Variants in BCKDHB observed in about 807,000 individuals in gnomAD.
BCKDHB encodes 2-oxoisovalerate dehydrogenase subunit beta, mitochondrial.
In BCKDHB, 41 loss-of-function variants were observed where a neutral mutation model predicts 48.5. The ratio of observed to expected loss-of-function variants is 0.85; its 90% CI spans 0.66 to 1.10. The LOEUF (loss-of-function observed/expected upper bound fraction) is 1.10, where lower values mean the gene tolerates loss of function less well. BCKDHB is among the 50% of genes least tolerant of loss of function. BCKDHB has a pLI of 0.00. For missense variants in BCKDHB, 496 were observed against 494.2 expected, an observed-to-expected ratio of 1.00 and a Z score of -0.03; for synonymous variants, 201 against 174.8, an observed-to-expected ratio of 1.15 and a Z score of -1.18.
the BCKDHB span, among the ~76,000 whole-genome samples, chr6:80,412,210 C>A: frequency 6.8e-6 from 1 of 147,346 alleles, no homozygotes; most frequent in Non-Finnish European, 1.5e-5. Context: ...ATGGCACAAT[C>A]TCAGCTCACT....
At chr6:80,147,263 T>G (rs1490072311) in intron 3 of BCKDHB, among the ~76,000 whole-genome samples, 1 of 152,178 alleles carries the variant, frequency 6.6e-6, no homozygotes. Flanking sequence ...CTCATCTTTC[T>G]GTGATTAAAC....
At chr6:80,440,078 G>A in the BCKDHB span, among the ~76,000 whole-genome samples, 2 of 152,166 alleles carry the variant, frequency 1.3e-5, no homozygotes, top group Admixed American at 1.3e-4. Context: ...ATGTGATCAA[G>A]ATTTACTGGT....
At chr6:80,144,949 C>T (rs1771407950) in intron 3 of BCKDHB, among the ~76,000 whole-genome samples, 1 of 152,068 alleles carries the variant, frequency 6.6e-6, no homozygotes, top group Admixed American at 6.6e-5. Context: ...TTTCATTTTC[C>T]CTAGAATATC....
the BCKDHB span, among the ~76,000 whole-genome samples, chr6:80,372,805 G>C: frequency 6.6e-6 from 1 of 152,138 alleles, no homozygotes; most frequent in East Asian, 1.9e-4. Flanking sequence ...AAACAAACTT[G>C]ATCATAGTGG....
chr6:80,127,058 G>C (rs1770380432), intron 1 of BCKDHB, among the ~76,000 whole-genome samples: 1 of 152,084 alleles, frequency 6.6e-6, no homozygotes, highest in African/African-American at 2.4e-5. Context: ...TAAGATTATG[G>C]TATGTTCCAA....
At chr6:80,187,634 A>C (rs1404261693) in intron 6 of BCKDHB, among the ~76,000 whole-genome samples, 2 of 152,148 alleles carry the variant, frequency 1.3e-5, no homozygotes, top group Admixed American at 1.3e-4. Flanking sequence ...CTTACAACCC[A>C]AAAACAACCC....
chr6:80,125,658 A>G (rs1364370896), intron 1 of BCKDHB, among the ~76,000 whole-genome samples: 5 of 152,160 alleles, frequency 3.3e-5, no homozygotes, highest in Admixed American at 1.3e-4. Flanking sequence ...GGAATAGGGA[A>G]GCCTGAAGAA....
At chr6:80,208,945 C>T (rs547007365) in intron 8 of BCKDHB, among the ~76,000 whole-genome samples, 1 of 151,620 alleles carries the variant, frequency 6.6e-6, no homozygotes, top group African/African-American at 2.4e-5. Flanking sequence ...GTATTTAGGA[C>T]AGTATAAGAA....
chr6:80,331,963 A>G (rs935486555), intron 9 of BCKDHB, among the ~76,000 whole-genome samples: 7 of 151,060 alleles, frequency 4.6e-5, no homozygotes, highest in South Asian at 4.3e-4. Context: ...TTTGGGGGGG[A>G]CTAGGAATTG....
rs889696816 is a variant in BCKDHB, at chr6:80,115,104, C to T, written c.196+8215C>T. On this transcript the variant is annotated intron_variant, in intron 1 of 9. Coordinates refer to ENST00000320393, the MANE Select transcript of BCKDHB (RefSeq NM_183050.4). ...CATGGATATGTGATACACACTGGTA[C>T]CTTACAAAGGCAATTGCCTTTATGG... Among the ~76,000 whole-genome samples, 4 of 152,278 alleles carry T rather than the reference C, an allele frequency of 2.6e-5. No individual in the cohort carries two copies. The East Asian group carries it at 7.7e-4, about 29-fold the overall frequency.
At chr6:80,417,364 T>C in the BCKDHB span, among the ~76,000 whole-genome samples, 1 of 152,190 alleles carries the variant, frequency 6.6e-6, no homozygotes, top group Admixed American at 6.5e-5. Flanking sequence ...TAGTATGATA[T>C]GTGTGGATTT....
the BCKDHB span, among the ~76,000 whole-genome samples, chr6:80,352,853 G>T: frequency 6.6e-6 from 1 of 152,246 alleles, no homozygotes; most frequent in African/African-American, 2.4e-5. Flanking sequence ...CCAGAAAAAT[G>T]AGCAGTTCCA....
intron 9 of BCKDHB, among the ~76,000 whole-genome samples, chr6:80,341,378 C>T (rs1418951721): frequency 6.6e-6 from 1 of 151,984 alleles, no homozygotes; most frequent in Non-Finnish European, 1.5e-5. Flanking sequence ...TTCGAAAAAC[C>T]AAAACAATAT....
the BCKDHB span, among the ~76,000 whole-genome samples, chr6:80,447,841 A>G: frequency 0.052 from 7,906 of 152,228 alleles, 626 homozygotes; most frequent in African/African-American, 0.17. Flanking sequence ...ACCCTCTCAG[A>G]CAAGTATTGT....
At chr6:80,192,858 G>A (rs1773961824) in intron 6 of BCKDHB, among the ~76,000 whole-genome samples, 3 of 141,184 alleles carry the variant, frequency 2.1e-5, no homozygotes, top group Admixed American at 1.5e-4. Flanking sequence ...TTGCTCTGTT[G>A]CCCAGGCTGG....
chr6:80,366,780 G>T, the BCKDHB span, among the ~76,000 whole-genome samples: 1 of 152,066 alleles, frequency 6.6e-6, no homozygotes, highest in Non-Finnish European at 1.5e-5. Context: ...TTACTCCTTT[G>T]GAATCTAGCC....
At chr6:80,314,731 C>G (rs1039783842) in intron 9 of BCKDHB, among the ~76,000 whole-genome samples, 1 of 152,202 alleles carries the variant, frequency 6.6e-6, no homozygotes, top group African/African-American at 2.4e-5. Context: ...GCCTGCCCCT[C>G]CCGCAAGGCA....
intron 9 of BCKDHB, among the ~76,000 whole-genome samples, chr6:80,297,709 A>G (rs1370570658): frequency 6.6e-6 from 1 of 152,216 alleles, no homozygotes. Flanking sequence ...GGACATTTCC[A>G]TAACTTGTAG....
chr6:80,249,361 C>A (rs779103053), intron 8 of BCKDHB, among the ~76,000 whole-genome samples: 2 of 151,800 alleles, frequency 1.3e-5, no homozygotes, highest in Non-Finnish European at 2.9e-5. Context: ...GTTATCCTGA[C>A]TGATATTTAG....
Sources: gnomAD v4.1 joint callset for allele counts (sites outside exome capture counted in the v4.1 genomes callset) on GRCh38, gnomAD v4.1.1 for gene constraint, MANE v1.5 for transcripts, NCBI Gene and HGNC (gene_info 2026-07-23, HGNC 2026-07-21) for gene names.